Variants in RPSA2 observed in about 807,000 individuals in gnomAD.
RPSA2 encodes small ribosomal subunit protein uS2B.
At chr19:23,766,148 T>C in the RPSA2 span, among the ~76,000 whole-genome samples, 46 of 95,712 alleles carry the variant, frequency 4.8e-4, no homozygotes, top group Non-Finnish European at 9.5e-4. Context: ...ATTTCCTTTT[T>C]TTTTTTTTTT....
the RPSA2 span, among the ~76,000 whole-genome samples, chr19:23,822,830 G>A: frequency 2.6e-5 from 4 of 152,082 alleles, no homozygotes; most frequent in African/African-American, 7.2e-5. Context: ...TATCTCCTCC[G>A]GTGGTTCCTC....
chr19:23,867,024 C>T, the RPSA2 span, among the ~76,000 whole-genome samples: 3 of 152,138 alleles, frequency 2.0e-5, no homozygotes, highest in Non-Finnish European at 4.4e-5. Flanking sequence ...TGCTTATCCC[C>T]TGCAAATTAC....
At chr19:23,822,360 G>A in the RPSA2 span, among the ~76,000 whole-genome samples, 2 of 152,176 alleles carry the variant, frequency 1.3e-5, no homozygotes, top group Non-Finnish European at 2.9e-5. Flanking sequence ...GCAGAGAGCT[G>A]CCTGGGCTAT....
At chr19:23,765,614 C>G in the RPSA2 span, among the ~76,000 whole-genome samples, 1 of 151,938 alleles carries the variant, frequency 6.6e-6, no homozygotes, top group South Asian at 2.1e-4. Flanking sequence ...TAGAGGGGAA[C>G]AACACATACT....
At chr19:23,771,492 A>T in the RPSA2 span, among the ~76,000 whole-genome samples, 2 of 152,184 alleles carry the variant, frequency 1.3e-5, no homozygotes, top group East Asian at 3.8e-4. Context: ...TGTTAATCTC[A>T]TACCTCCACC....
At chr19:23,792,619 C>G in the RPSA2 span, among the ~76,000 whole-genome samples, 2 of 143,796 alleles carry the variant, frequency 1.4e-5, no homozygotes, top group Admixed American at 1.4e-4. Flanking sequence ...GAGTCTAGCT[C>G]TGTCACCCAG....
chr19:23,843,225 TA>T, the RPSA2 span: 4 of 265,976 alleles, frequency 1.5e-5, no homozygotes, highest in Admixed American at 3.9e-5. Flanking sequence ...CTTGAGCAAA[TA>T]AAAGAACCCT....
chr19:23,795,822 C>G, the RPSA2 span, among the ~76,000 whole-genome samples: 6 of 152,142 alleles, frequency 3.9e-5, no homozygotes, highest in Non-Finnish European at 8.8e-5. Flanking sequence ...GTCTCCCAGG[C>G]TGGATTGCAG....
the RPSA2 span, chr19:23,831,781 C>A: frequency 3.5e-6 from 1 of 287,114 alleles, no homozygotes; most frequent in South Asian, 4.6e-5. Context: ...ACAAGTGTTT[C>A]ACAACTACTC....
the RPSA2 span, among the ~76,000 whole-genome samples, chr19:23,779,246 C>T: frequency 8.6e-5 from 13 of 152,044 alleles, no homozygotes; most frequent in East Asian, 1.9e-4. Flanking sequence ...ATGATCCACC[C>T]GCCTCAGCCT....
the RPSA2 span, among the ~76,000 whole-genome samples, chr19:23,820,038 G>A: frequency 1.1e-4 from 17 of 152,152 alleles, no homozygotes; most frequent in African/African-American, 3.9e-4. Flanking sequence ...CAGTCCTGAT[G>A]GGGAAAGCCT....
the RPSA2 span, among the ~76,000 whole-genome samples, chr19:23,867,078 G>A: frequency 6.6e-6 from 1 of 152,136 alleles, no homozygotes; most frequent in African/African-American, 2.4e-5. Flanking sequence ...AAGGGTTTGG[G>A]AGCACAACTA....
the RPSA2 span, among the ~76,000 whole-genome samples, chr19:23,850,164 G>C: frequency 5.3e-5 from 8 of 151,348 alleles, no homozygotes; most frequent in Non-Finnish European, 7.4e-5. Context: ...ACTATTGTTA[G>C]TATAGATTTC....
At chr19:23,758,956 C>T in the RPSA2 span, 1 of 632,964 alleles carries the variant, frequency 1.6e-6, no homozygotes, top group South Asian at 1.9e-5. Flanking sequence ...TGGACAGTTC[C>T]CAGCCCAGCG....
At chr19:23,790,589 A>G in the RPSA2 span, among the ~76,000 whole-genome samples, 148,750 of 152,070 alleles carry the variant, frequency 0.98, 72,844 homozygotes, top group Middle Eastern at 1. Flanking sequence ...ACACAACTGG[A>G]GCAGACAGAG....
At chr19:23,823,566 C>T in the RPSA2 span, among the ~76,000 whole-genome samples, 1 of 152,150 alleles carries the variant, frequency 6.6e-6, no homozygotes, top group Non-Finnish European at 1.5e-5. Context: ...AGTTTTCTCT[C>T]CTAACTGACT....
chr19:23,811,448 A>T, the RPSA2 span, among the ~76,000 whole-genome samples: 2 of 152,132 alleles, frequency 1.3e-5, no homozygotes, highest in Non-Finnish European at 2.9e-5. Context: ...TGATTCTCTT[A>T]AAAAGGCATT....
chr19:23,850,905 G>A, the RPSA2 span, among the ~76,000 whole-genome samples: 1 of 152,142 alleles, frequency 6.6e-6, no homozygotes, highest in Non-Finnish European at 1.5e-5. Flanking sequence ...AGTTTTTAAG[G>A]TGTGATTGGC....
chr19:23,815,287 A>G, the RPSA2 span, among the ~76,000 whole-genome samples: 2 of 152,162 alleles, frequency 1.3e-5, no homozygotes, highest in East Asian at 3.9e-4. Context: ...CATGGTTTTG[A>G]TGTTCATGTT....
Sources: allele counts gnomAD v4.1 joint callset (sites outside exome capture counted in the v4.1 genomes callset), GRCh38; gene constraint gnomAD v4.1.1; transcripts MANE v1.5; gene names NCBI Gene and HGNC (gene_info 2026-07-23, HGNC 2026-07-21).